STAMBP: variants seen among roughly 807,000 people sequenced by gnomAD.
STAMBP encodes the protein STAM-binding protein.
Under a neutral mutation model 50.7 loss-of-function variants are expected in STAMBP, and 31 were observed. The ratio of observed to expected loss-of-function variants is 0.61; its 90% CI spans 0.46 to 0.83. The LOEUF (loss-of-function observed/expected upper bound fraction) is 0.83, where lower values mean the gene tolerates loss of function less well. STAMBP is among the 40% of genes least tolerant of loss of function. The pLI is 0.00. For missense variants in STAMBP, 472 were observed against 518.9 expected, an observed-to-expected ratio of 0.91 and a Z score of 0.88; for synonymous variants, 211 against 192.4, an observed-to-expected ratio of 1.10 and a Z score of -0.80.
At chr2:73,841,965 T>G (rs1278413849) in intron 2 of STAMBP, among the ~76,000 whole-genome samples, 1 of 152,146 alleles carries the variant, frequency 6.6e-6, no homozygotes, top group Non-Finnish European at 1.5e-5. Flanking sequence ...TTTTTGTTTG[T>G]TTTTTGTTTT....
chr2:73,841,660 C>T (rs1272266577), intron 2 of STAMBP, among the ~76,000 whole-genome samples: 5 of 152,010 alleles, frequency 3.3e-5, no homozygotes, highest in African/African-American at 1.2e-4. Context: ...CCAGTGTGGC[C>T]CAGGGAAGCT....
chr2:73,834,220 AAAAAAAAAAAAAAAAAAT>A (rs1317552603), intron 2 of STAMBP, among the ~76,000 whole-genome samples: 5 of 21,486 alleles, frequency 2.3e-4, no homozygotes, highest in African/African-American at 4.6e-4. Context: ...AAAAAAAAAA[AAAAAAAAAAAAAAAAAAT>A]ATATATATAT....
chr2:73,845,425 C>T (rs1024893034), intron 4 of STAMBP, among the ~76,000 whole-genome samples, 163 bp downstream of exon 4: 2 of 152,130 alleles, frequency 1.3e-5, no homozygotes, highest in African/African-American at 4.8e-5. Context: ...TGGTTAGGCT[C>T]AGGGTTGTAA....
chr2:73,835,261 G>A (rs1242596332), intron 2 of STAMBP, among the ~76,000 whole-genome samples: 2 of 151,798 alleles, frequency 1.3e-5, no homozygotes, highest in East Asian at 3.9e-4. Context: ...GGCTGAGGCA[G>A]GAGACTTGCA....
At chr2:73,831,724 A>G (rs1245208545) in intron 2 of STAMBP, among the ~76,000 whole-genome samples, 5 of 152,192 alleles carry the variant, frequency 3.3e-5, no homozygotes, top group African/African-American at 1.2e-4. Flanking sequence ...TTCTTTCACA[A>G]TATCAGGACT....
At chr2:73,868,912 T>G (rs11684857), downstream of STAMBP, among the ~76,000 whole-genome samples, 1,153 of 152,254 alleles carry the variant, frequency 7.6e-3, 5 homozygotes, top group Non-Finnish European at 0.013. Context: ...GAAGCTTCGT[T>G]AACATGATAA....
intron 6 of STAMBP, 119 bp downstream of exon 6, chr2:73,849,606 G>T (rs571943612): frequency 8.5e-6 from 11 of 1,289,632 alleles, no homozygotes; most frequent in Non-Finnish European, 1.1e-5. Flanking sequence ...CCAAGGAACC[G>T]TGGACTGCAT....
chr2:73,871,270 G>A (rs555725087), downstream of STAMBP, among the ~76,000 whole-genome samples: 5 of 152,186 alleles, frequency 3.3e-5, no homozygotes, highest in East Asian at 3.9e-4. Flanking sequence ...GCGGCCGGGC[G>A]TGGTGGCTCA....
At position 73,847,412 on chromosome 2, in the gene STAMBP, G is replaced by C. The variant is rs141275418; in HGVS notation, c.401G>C (p.Arg134Pro). The C allele has an allele frequency of 6.2e-7, 1 of 1,609,388 alleles. No homozygotes were observed. The highest frequency in any genetic ancestry group is 2.2e-5 in the East Asian group (1 of 44,826). ...AAGAAGGAAGCAGAGGAATTGGCCC[G>C]GAACATGGCCATCCAGCAAGAGCTG... ...EKKKEAEELA[R>P]NMAIQQELEK... is the part of the protein sequence containing the mutation. The change falls in exon 5 of 10, where the codon CGG becomes CCG. Residue 134 changes from arginine (R) to proline (P), a missense_variant. Physicochemically the swap from Arg to Pro is moderately radical, Grantham distance 103. Transcript: ENST00000394070.
chr2:73,860,459 T>C, intron 9 of STAMBP: 1 of 623,908 alleles, frequency 1.6e-6, no homozygotes, highest in Non-Finnish European at 2.1e-6. Flanking sequence ...AATGAAGTAA[T>C]GTGCAGGAAG....
downstream of STAMBP, among the ~76,000 whole-genome samples, chr2:73,871,746 A>G (rs2104772763): frequency 6.6e-6 from 1 of 152,182 alleles, no homozygotes; most frequent in Admixed American, 6.5e-5. Context: ...GTTATAGCCT[A>G]TTGCCTTGGT....
At chr2:73,835,032 A>G (rs1674543496) in intron 2 of STAMBP, among the ~76,000 whole-genome samples, 1 of 152,090 alleles carries the variant, frequency 6.6e-6, no homozygotes, top group Admixed American at 6.6e-5. Flanking sequence ...GCCATTGAAA[A>G]GTTTTAAGTG....
intron 7 of STAMBP, among the ~76,000 whole-genome samples, chr2:73,852,380 T>G (rs1676937322): frequency 2.6e-5 from 4 of 152,148 alleles, no homozygotes; most frequent in Admixed American, 2.6e-4. Context: ...ATGTTAAATT[T>G]CAGGTATTGA....
chr2:73,832,823 A>G (rs1344253743), intron 2 of STAMBP, among the ~76,000 whole-genome samples: 1 of 152,040 alleles, frequency 6.6e-6, no homozygotes, highest in Non-Finnish European at 1.5e-5. Context: ...GGGCAGAATC[A>G]CCTCTGAGAA....
At chr2:73,868,476 A>C (rs945853409), downstream of STAMBP, among the ~76,000 whole-genome samples, 3 of 152,138 alleles carry the variant, frequency 2.0e-5, no homozygotes, top group Non-Finnish European at 2.9e-5. Flanking sequence ...CACTGATATA[A>C]TATATCACAG....
Position 73,847,454 on chromosome 2 carries a change from G to A in STAMBP, c.443G>A (p.Arg148Lys), listed in dbSNP as rs778944371. The A allele has an allele frequency of 2.5e-5, 41 of 1,614,036 alleles. No individual in the cohort carries two copies. Among genetic ancestry groups the A allele is most frequent in the Middle Eastern group, 1.6e-4 (1 of 6,080 alleles). ...IQQELEKEKQ[R>K]VAQQKQQQLE... ...CAAGAGCTGGAAAAGGAAAAACAGA[G>A]GGTAGCACAACAGAAGCAGCAGCAA... Residue 148 changes from arginine (R) to lysine (K), a missense_variant, in exon 5 of 10, where the codon AGG becomes AAG. Coordinates refer to ENST00000394070, the MANE Select transcript of STAMBP (RefSeq NM_213622.4).
intron 10 of STAMBP, among the ~76,000 whole-genome samples, chr2:73,872,640 T>C (rs116834700): frequency 0.01 from 1,534 of 152,306 alleles, 22 homozygotes; most frequent in African/African-American, 0.034. Context: ...TCCCGAAGTG[T>C]TGAGGGAACC....
chr2:73,862,091 C>T (rs1678398524), intron 9 of STAMBP, 112 bp from the exon 10 acceptor site: 7 of 758,622 alleles, frequency 9.2e-6, no homozygotes, highest in Non-Finnish European at 1.4e-5. Context: ...GAGCCGAGAT[C>T]GTGCCACTGC....
Position 73,844,829 on chromosome 2 carries a change from C to A in STAMBP, c.220C>A (p.Leu74Ile). 6.2e-7 allele frequency: 1 copy of A among 1,613,950 alleles called. No homozygotes were observed. Among genetic ancestry groups the A allele is most frequent in the Non-Finnish European group, 8.5e-7 (1 of 1,179,908 alleles). Residue 74 changes from leucine to isoleucine, a missense_variant, in exon 3 of 10, where the codon CTA (leucine) becomes ATA (isoleucine). Leu to Ile is a conservative substitution (Grantham distance 5, BLOSUM62 2). Transcript: ENST00000394070. ...TTTCCTTAGGCTCTTTATTGAGAAA[C>A]TACCAAAACATCGAGATTACAAATC... ...NKYITLFIEK[L>I]PKHRDYKSAV...
Sources: allele counts gnomAD v4.1 joint callset (sites outside exome capture counted in the v4.1 genomes callset), GRCh38; gene constraint gnomAD v4.1.1; transcripts MANE v1.5; gene names NCBI Gene and HGNC (gene_info 2026-07-23, HGNC 2026-07-21).